The following IL1RAP variants were observed in gnomAD, a reference collection of about 807,000 sequenced individuals.
IL1RAP encodes interleukin 1 receptor accessory protein.
IL1RAP carries 35 observed loss-of-function variants against 60.7 expected under a neutral mutation model. The observed-to-expected ratio is 0.58, with a 90% CI of 0.44 to 0.76. The LOEUF is 0.76. Ranked by LOEUF, IL1RAP falls within the 30% of genes least tolerant of loss-of-function variation. The pLI is 0.00. For synonymous variants in IL1RAP, 268 were observed against 250.9 expected, an observed-to-expected ratio of 1.07 and a Z score of -0.64; for missense variants, 572 against 693.9, an observed-to-expected ratio of 0.82 and a Z score of 1.97.
chr3:190,544,864 T>C (rs1011977964), intron 1 of IL1RAP, among the ~76,000 whole-genome samples: 1 of 152,212 alleles, frequency 6.6e-6, no homozygotes, highest in Admixed American at 6.5e-5. Context: ...AATAACCTAA[T>C]GTTTCTCTAA....
Position 190,650,249 on chromosome 3 carries a change from T to C in IL1RAP, c.*1544T>C, listed in dbSNP as rs1351571984. The C allele has an allele frequency of 1.8e-5, 18 of 985,132 alleles. No individual in the cohort carries two copies. The highest frequency in any genetic ancestry group is 2.0e-5 in the Non-Finnish European group (17 of 829,756). The allele number at this position is 985,132 out of a possible 1,614,324, so 61.0% of individuals were successfully genotyped here. On this transcript the variant is annotated 3_prime_UTR_variant, in exon 12 of 12. Coordinates refer to ENST00000447382, the MANE Select transcript of IL1RAP (RefSeq NM_002182.4). ...TTCACAGCTCACAGAGTGATAGTTG[T>C]CATAGTTCTTGCCTTCCCTAAGTTT...
chr3:190,639,636 A>C (rs1187073921), intron 9 of IL1RAP, among the ~76,000 whole-genome samples: 1 of 151,746 alleles, frequency 6.6e-6, no homozygotes, highest in African/African-American at 2.4e-5. Context: ...GCTAATATAG[A>C]CTTTTTTGCT....
intron 5 of IL1RAP, among the ~76,000 whole-genome samples, chr3:190,613,823 A>T (rs1381526108): frequency 6.7e-6 from 1 of 149,244 alleles, no homozygotes; most frequent in African/African-American, 2.5e-5. Flanking sequence ...ATGGAGGGAG[A>T]CTCCATTTCA....
intron 9 of IL1RAP, among the ~76,000 whole-genome samples, chr3:190,641,085 C>T (rs1299947260): frequency 2.6e-5 from 4 of 152,206 alleles, no homozygotes; most frequent in Non-Finnish European, 5.9e-5. Context: ...CCTGCCTCAG[C>T]CTCCCGAGTA....
At chr3:190,612,117 G>A (rs942520599) in intron 5 of IL1RAP, among the ~76,000 whole-genome samples, 5 of 152,016 alleles carry the variant, frequency 3.3e-5, no homozygotes, top group African/African-American at 1.2e-4. Flanking sequence ...TCTGTGATTT[G>A]CCTCAAAATA....
chr3:190,552,301 G>A (rs1415432789), intron 1 of IL1RAP, among the ~76,000 whole-genome samples: 1 of 152,122 alleles, frequency 6.6e-6, no homozygotes, highest in Non-Finnish European at 1.5e-5. Context: ...ACAGTCCCTT[G>A]TTGTGCTTTG....
chr3:190,576,764 A>G (rs985829918), intron 3 of IL1RAP, among the ~76,000 whole-genome samples: 18 of 152,228 alleles, frequency 1.2e-4, no homozygotes, highest in African/African-American at 4.1e-4. Flanking sequence ...GCTATATTCT[A>G]AGAAAATACT....
rs1732403023 is a variant in IL1RAP, at chr3:190,627,432, T to A, written c.885T>A (p.Asp295Glu). 1 of 1,611,588 alleles carries A rather than the reference T, an allele frequency of 6.2e-7. No homozygotes were observed. Among genetic ancestry groups the A allele is most frequent in the East Asian group, 2.2e-5 (1 of 44,850 alleles). Residue 295 changes from aspartate to glutamate, a missense_variant, in exon 8 of 12, where the codon GAT (aspartate) becomes GAA (glutamate). Transcript: ENST00000447382. ...AAAAACCTGATGACATCACTATTGA[T>A]GTCACCATTAACGAAAGGTATCATG... ...DGKKPDDITI[D>E]VTINESISHS...
intron 3 of IL1RAP, among the ~76,000 whole-genome samples, chr3:190,587,717 C>A (rs533870805): frequency 1.3e-5 from 2 of 152,134 alleles, no homozygotes; most frequent in African/African-American, 4.8e-5. Flanking sequence ...TCAAATTGGG[C>A]GGAGTGTTTG....
At chr3:190,581,415 G>A (rs902733016) in intron 3 of IL1RAP, among the ~76,000 whole-genome samples, 1 of 152,164 alleles carries the variant, frequency 6.6e-6, no homozygotes, top group African/African-American at 2.4e-5. Context: ...CACTTGGCAG[G>A]TAGGTAAGCA....
intron 4 of IL1RAP, among the ~76,000 whole-genome samples, chr3:190,605,580 G>A (rs1730253678): frequency 6.6e-6 from 1 of 152,114 alleles, no homozygotes; most frequent in Non-Finnish European, 1.5e-5. Context: ...CACAGTGTGG[G>A]TGACTTTAAC....
chr3:190,566,517 G>A (rs1472938008), intron 3 of IL1RAP, among the ~76,000 whole-genome samples: 1 of 152,108 alleles, frequency 6.6e-6, no homozygotes, highest in Non-Finnish European at 1.5e-5. Context: ...AGTGCTGTTG[G>A]TAAGAGAGCT....
chr3:190,637,955 G>C (rs983130489), intron 9 of IL1RAP, among the ~76,000 whole-genome samples: 2 of 151,816 alleles, frequency 1.3e-5, no homozygotes, highest in Non-Finnish European at 2.9e-5. Flanking sequence ...TGTGTATCAG[G>C]CATTTTCTCC....
Position 190,650,667 on chromosome 3 carries a change from T to C in IL1RAP, c.*1962T>C. The C allele has an allele frequency of 1.1e-6, 1 of 941,358 alleles. No homozygotes were observed. The highest frequency in any genetic ancestry group is 4.9e-5 in the South Asian group (1 of 20,414). 58.3% of individuals were successfully genotyped at this position (941,358 alleles called of 1,614,324 possible). On this transcript the variant is annotated 3_prime_UTR_variant, in exon 12 of 12. Coordinates refer to ENST00000447382, the MANE Select transcript of IL1RAP (RefSeq NM_002182.4). ...ATTTTAAATTGAAAAAAGTTTCACTTGGATGAAAAAAGTAGAAAAGTAGGT... is the reference window on the plus strand; with the variant it reads ...ATTTTAAATTGAAAAAAGTTTCACTCGGATGAAAAAAGTAGAAAAGTAGGT...
At chr3:190,539,762 A>G (rs1723769962) in intron 1 of IL1RAP, among the ~76,000 whole-genome samples, 2 of 151,826 alleles carry the variant, frequency 1.3e-5, no homozygotes, top group South Asian at 4.1e-4. Flanking sequence ...AATGTAAAAA[A>G]TAACCTAACA....
chr3:190,555,080 G>A (rs1217976952), intron 1 of IL1RAP, among the ~76,000 whole-genome samples: 1 of 152,088 alleles, frequency 6.6e-6, no homozygotes, highest in Non-Finnish European at 1.5e-5. Flanking sequence ...GGTTATTAGT[G>A]GCAATGTCGT....
chr3:190,644,496 TAGATTAACTGGA>T, intron 10 of IL1RAP, 99 bp downstream of exon 10: 1 of 910,732 alleles, frequency 1.1e-6, no homozygotes, highest in Non-Finnish European at 1.7e-6. Context: ...TTGAAAAACC[TAGATTAACTGGA>T]AGATTTAAGC....
downstream of IL1RAP, among the ~76,000 whole-genome samples, chr3:190,654,850 C>T (rs1413626448): frequency 6.6e-6 from 1 of 152,190 alleles, no homozygotes; most frequent in African/African-American, 2.4e-5. Context: ...ATGTTCTAAG[C>T]TCCTAAATCT....
chr3:190,656,766 T>C (rs1734633380), exon 12 of IL1RAP: 2 of 555,500 alleles, frequency 3.6e-6, no homozygotes, highest in Non-Finnish European at 6.2e-6. Flanking sequence ...ACAAAAGACC[T>C]GAAGGACCTG....
Sources: allele counts gnomAD v4.1 joint callset (sites outside exome capture counted in the v4.1 genomes callset), GRCh38; gene constraint gnomAD v4.1.1; transcripts MANE v1.5; gene names NCBI Gene and HGNC (gene_info 2026-07-23, HGNC 2026-07-21).